Variants in ANO6 observed in about 807,000 individuals in gnomAD.
ANO6 encodes anoctamin-6.
A neutral mutation model predicts 117.5 loss-of-function variants in ANO6; 106 were observed. The observed-to-expected ratio is 0.90, with a 90% CI of 0.77 to 1.06. The LOEUF is 1.06. Ranked by LOEUF, ANO6 falls within the 50% of genes least tolerant of loss-of-function variation. The probability of loss-of-function intolerance (pLI) is 0.00; values close to 1 mark genes in which losing one functional copy is unlikely to be tolerated. For synonymous variants in ANO6, 367 were observed against 385.1 expected, an observed-to-expected ratio of 0.95 and a Z score of 0.55; for missense variants, 955 against 1,121.1, an observed-to-expected ratio of 0.85 and a Z score of 2.12.
At chr12:45,323,322 A>G (rs1159267561) in intron 2 of ANO6, among the ~76,000 whole-genome samples, 2 of 152,324 alleles carry the variant, frequency 1.3e-5, no homozygotes. Flanking sequence ...TGGTTGCCCA[A>G]TTCAAAGCAT....
chr12:45,434,478 G>A (rs1248203309), downstream of ANO6, among the ~76,000 whole-genome samples: 2 of 152,184 alleles, frequency 1.3e-5, no homozygotes, highest in African/African-American at 2.4e-5. Flanking sequence ...TTACCTTCAA[G>A]TATTTTGGTT....
chr12:45,329,480 A>T (rs1313633554), intron 2 of ANO6, among the ~76,000 whole-genome samples: 1 of 152,132 alleles, frequency 6.6e-6, no homozygotes, highest in Non-Finnish European at 1.5e-5. Context: ...GGAGGTTTGC[A>T]TGCAGACCAG....
intron 1 of ANO6, among the ~76,000 whole-genome samples, chr12:45,245,732 TG>T (rs1431143328): frequency 6.6e-6 from 1 of 152,152 alleles, no homozygotes; most frequent in Non-Finnish European, 1.5e-5. Context: ...TTAAAGGGCT[TG>T]GTACAGTGTG....
At chr12:45,250,576 T>C (rs1205095600) in intron 1 of ANO6, among the ~76,000 whole-genome samples, 1 of 151,578 alleles carries the variant, frequency 6.6e-6, no homozygotes, top group East Asian at 1.9e-4. Flanking sequence ...TTTTTTGTTG[T>C]TGTTGTTGTT....
At chr12:45,248,427 A>G (rs977129010) in intron 1 of ANO6, among the ~76,000 whole-genome samples, 10 of 138,692 alleles carry the variant, frequency 7.2e-5, no homozygotes, top group Non-Finnish European at 1.2e-4. Context: ...TAAAAAGTAG[A>G]CTTTTTTTTT....
At chr12:45,313,810 A>C (rs1170905428) in intron 2 of ANO6, among the ~76,000 whole-genome samples, 1 of 152,144 alleles carries the variant, frequency 6.6e-6, no homozygotes, top group African/African-American at 2.4e-5. Flanking sequence ...ACACGTGCTA[A>C]TGTAATTTTC....
chr12:45,378,257 A>G, intron 10 of ANO6, 144 bp downstream of exon 10: 1 of 778,102 alleles, frequency 1.3e-6, no homozygotes, highest in Non-Finnish European at 2.1e-6. Flanking sequence ...GAGGGCATTT[A>G]TCAGTTAACT....
intron 1 of ANO6, among the ~76,000 whole-genome samples, chr12:45,231,604 T>C (rs1010170006): frequency 6.6e-6 from 1 of 152,250 alleles, no homozygotes; most frequent in African/African-American, 2.4e-5. Context: ...CATCTTTCTC[T>C]TACTGCATTT....
chr12:45,438,628 C>T (rs1354960930), intron 19 of ANO6, among the ~76,000 whole-genome samples: 1 of 152,094 alleles, frequency 6.6e-6, no homozygotes, highest in Non-Finnish European at 1.5e-5. Flanking sequence ...GGGCCCCATC[C>T]CCAAGATATC....
At chr12:45,307,744 C>G (rs1372757439) in intron 2 of ANO6, among the ~76,000 whole-genome samples, 2 of 151,802 alleles carry the variant, frequency 1.3e-5, no homozygotes, top group African/African-American at 2.4e-5. Context: ...TTACAGGTCA[C>G]GGAGATGAGG....
At chr12:45,288,988 C>G (rs769180818) in intron 1 of ANO6, among the ~76,000 whole-genome samples, 14 of 151,732 alleles carry the variant, frequency 9.2e-5, no homozygotes, top group South Asian at 2.1e-4. Context: ...TTATAATCTA[C>G]TTTTTCACAT....
chr12:45,432,923 C>T (rs1943664076), downstream of ANO6, among the ~76,000 whole-genome samples: 1 of 152,198 alleles, frequency 6.6e-6, no homozygotes, highest in African/African-American at 2.4e-5. Flanking sequence ...CACACCCTGC[C>T]CCTGCTATCT....
At chr12:45,440,042 C>T (rs1943753602) in exon 20 of ANO6, 6 of 1,159,430 alleles carry the variant, frequency 5.2e-6, no homozygotes, top group African/African-American at 1.6e-5. Context: ...CATTAATATT[C>T]CAATACTGGC....
At chr12:45,258,709 C>G (rs1937922756) in intron 1 of ANO6, among the ~76,000 whole-genome samples, 2 of 152,128 alleles carry the variant, frequency 1.3e-5, no homozygotes, top group African/African-American at 4.8e-5. Context: ...CCACTCCTCC[C>G]CTAAGATTTT....
chr12:45,355,710 C>A (rs1055439095), intron 7 of ANO6, among the ~76,000 whole-genome samples: 2 of 152,212 alleles, frequency 1.3e-5, no homozygotes, highest in African/African-American at 4.8e-5. Context: ...ATTCCACCCT[C>A]AGGTCTGTCT....
At chr12:45,347,691 G>A (rs1025429716) in intron 4 of ANO6, among the ~76,000 whole-genome samples, 1 of 152,132 alleles carries the variant, frequency 6.6e-6, no homozygotes, top group Non-Finnish European at 1.5e-5. Context: ...CATTATGCTA[G>A]CACTACAATG....
intron 12 of ANO6, among the ~76,000 whole-genome samples, chr12:45,394,120 A>T (rs1273274039): frequency 6.6e-6 from 1 of 152,230 alleles, no homozygotes; most frequent in Non-Finnish European, 1.5e-5. Flanking sequence ...GCAAAGACAC[A>T]TATAGGCTCA....
chr12:45,378,458 G>C (rs935091998), intron 10 of ANO6, among the ~76,000 whole-genome samples: 9 of 152,136 alleles, frequency 5.9e-5, no homozygotes, highest in African/African-American at 1.9e-4. Context: ...ACCCGGTTTG[G>C]TCTGTGGGGC....
chr12:45,306,698 T>C (rs1939681010), intron 2 of ANO6, among the ~76,000 whole-genome samples: 1 of 152,110 alleles, frequency 6.6e-6, no homozygotes, highest in Admixed American at 6.6e-5. Context: ...TCATTCGATA[T>C]CTACTATTTT....
Sources: gnomAD v4.1 joint callset for allele counts (sites outside exome capture counted in the v4.1 genomes callset) on GRCh38, gnomAD v4.1.1 for gene constraint, MANE v1.5 for transcripts, NCBI Gene and HGNC (gene_info 2026-07-23, HGNC 2026-07-21) for gene names.